The following CACNA1D variants were observed in gnomAD, a reference collection of about 807,000 sequenced individuals.
CACNA1D encodes voltage-dependent L-type calcium channel subunit alpha-1D.
A neutral mutation model predicts 257.1 loss-of-function variants in CACNA1D; 55 were observed. That is an observed-to-expected ratio of 0.21 (90% CI 0.17 to 0.27). The LOEUF is 0.27. CACNA1D is among the 10% of genes least tolerant of loss of function. The pLI is 1.00. For missense variants in CACNA1D, 1,876 were observed against 2,784.0 expected (o/e 0.67, Z 7.34); for synonymous variants, 980 against 1,014.9 (o/e 0.97, Z 0.65).
chr3:53,803,337 G>A, intron 43 of CACNA1D, 86 bp from the exon 44 acceptor site: 1 of 1,518,320 alleles, frequency 6.6e-7, no homozygotes, highest in Non-Finnish European at 9.1e-7. Flanking sequence ...ACCCGGGCAG[G>A]GTTGCCGGCC....
chr3:53,727,842 T>G (rs2094950667), intron 15 of CACNA1D, among the ~76,000 whole-genome samples: 2 of 152,262 alleles, frequency 1.3e-5, no homozygotes, highest in African/African-American at 4.8e-5. Flanking sequence ...TGTTTTCTTC[T>G]TTATCTTGTC....
At position 53,673,270 on chromosome 3, in the gene CACNA1D, T is replaced by G; in HGVS notation, c.1220+144T>G. 1 of 626,770 alleles carries G rather than the reference T, an allele frequency of 1.6e-6. No individual in the cohort carries two copies. Among genetic ancestry groups the G allele is most frequent in the Non-Finnish European group, 2.9e-6 (1 of 350,574 alleles). 38.8% of individuals were successfully genotyped at this position (626,770 alleles called of 1,614,324 possible). On this transcript the variant is annotated intron_variant, in intron 8 of 47. Transcript: ENST00000350061. The surrounding 1 kb of genome is among the most constrained non-coding windows in gnomAD (Gnocchi z 4.1). ...AGATGCTTTCTTTTCTGCTGAGGCT[T>G]CCCAAATCAAGCTGTTTCCTGGAAC...
At chr3:53,803,026 C>T (rs1249784603) in intron 43 of CACNA1D, among the ~76,000 whole-genome samples, 1 of 152,154 alleles carries the variant, frequency 6.6e-6, no homozygotes, top group Non-Finnish European at 1.5e-5. Flanking sequence ...TCTGAAGTCA[C>T]ACTGGGCTGG....
In CACNA1D at chr3:53,494,702, C is replaced by A; in HGVS notation, c.-465C>A. 1.4e-5 allele frequency: 2 copies of A among 145,940 alleles called. No homozygotes were observed. The highest frequency in any genetic ancestry group is 3.6e-4 in the South Asian group (2 of 5,480). The allele number at this position is 145,940 out of a possible 1,614,324, so 9.0% of individuals were successfully genotyped here. Reference sequence around the variant, plus strand: ...GATGTGAGCTCCGGCTGCCCGCGGTCCCGAGCCAGCGGCGGCGCGGGCGGC... The same window carrying A: ...GATGTGAGCTCCGGCTGCCCGCGGTACCGAGCCAGCGGCGGCGCGGGCGGC... On this transcript the variant is annotated 5_prime_UTR_variant, in exon 1 of 48. Coordinates refer to ENST00000350061, the MANE Select transcript of CACNA1D (RefSeq NM_001128840.3).
chr3:53,623,489 C>T (rs2093721943), intron 3 of CACNA1D, among the ~76,000 whole-genome samples: 1 of 152,162 alleles, frequency 6.6e-6, no homozygotes, highest in African/African-American at 2.4e-5. Flanking sequence ...TGGGTATTCA[C>T]TGTACAATTC....
intron 3 of CACNA1D, among the ~76,000 whole-genome samples, chr3:53,542,705 T>A (rs1333689928): frequency 6.6e-6 from 1 of 152,192 alleles, no homozygotes; most frequent in African/African-American, 2.4e-5. Context: ...AGGAAAGTAG[T>A]CTTTTGTGAT....
intron 7 of CACNA1D, among the ~76,000 whole-genome samples, chr3:53,669,661 A>G (rs2094303972): frequency 6.6e-6 from 1 of 152,230 alleles, no homozygotes. Flanking sequence ...TGGGTCCAAT[A>G]TGTAGAAAGG....
chr3:53,560,199 C>T (rs1417604482), intron 3 of CACNA1D, among the ~76,000 whole-genome samples: 1 of 151,258 alleles, frequency 6.6e-6, no homozygotes, highest in African/African-American at 2.4e-5. Context: ...AGGGGGAAAA[C>T]AGTGGAAAAT....
chr3:53,600,356 T>C (rs1416547287), intron 3 of CACNA1D, among the ~76,000 whole-genome samples: 1 of 152,222 alleles, frequency 6.6e-6, no homozygotes, highest in African/African-American at 2.4e-5. Context: ...TATAGTTGCT[T>C]TCTGGTAAAA....
chr3:53,783,557 T>TGCA (rs917311036), intron 39 of CACNA1D, among the ~76,000 whole-genome samples: 7 of 152,202 alleles, frequency 4.6e-5, no homozygotes, highest in African/African-American at 1.7e-4. Flanking sequence ...TTAGGAGGGA[T>TGCA]GCAAGGCTTT....
intron 9 of CACNA1D, among the ~76,000 whole-genome samples, chr3:53,715,039 G>C (rs926957200): frequency 6.6e-6 from 1 of 152,272 alleles, no homozygotes; most frequent in South Asian, 2.1e-4. Context: ...TTTTGGAAAA[G>C]GATAAGTGTG....
intron 3 of CACNA1D, among the ~76,000 whole-genome samples, chr3:53,582,517 A>G (rs1261424225): frequency 6.6e-6 from 1 of 152,064 alleles, no homozygotes; most frequent in Non-Finnish European, 1.5e-5. Flanking sequence ...TTGACTTGGA[A>G]AGGGGGACTG....
chr3:53,713,507 T>TGA (rs1472995489), intron 9 of CACNA1D, among the ~76,000 whole-genome samples: 1 of 116,206 alleles, frequency 8.6e-6, no homozygotes, highest in African/African-American at 4.2e-5. Flanking sequence ...TGTGTATGTG[T>TGA]GTGTGTGTGT....
intron 30 of CACNA1D, among the ~76,000 whole-genome samples, chr3:53,763,131 AGTCT>A (rs1448077693): frequency 6.6e-6 from 1 of 152,200 alleles, no homozygotes; most frequent in Non-Finnish European, 1.5e-5. Flanking sequence ...GTCTGCTCTG[AGTCT>A]GACTGGTGAC....
intron 3 of CACNA1D, among the ~76,000 whole-genome samples, chr3:53,520,948 T>C (rs147491849): frequency 1.3e-5 from 2 of 151,172 alleles, no homozygotes; most frequent in East Asian, 3.9e-4. Flanking sequence ...TCCTTTCCTT[T>C]CCTCCTGTCC....
intron 8 of CACNA1D, among the ~76,000 whole-genome samples, chr3:53,681,605 G>T (rs1422405724): frequency 6.6e-6 from 1 of 152,110 alleles, no homozygotes; most frequent in Non-Finnish European, 1.5e-5. Flanking sequence ...AGGCACCAGG[G>T]TTACGGTGGT....
intron 20 of CACNA1D, among the ~76,000 whole-genome samples, chr3:53,737,285 A>C (rs1186387904): frequency 4.6e-5 from 7 of 152,170 alleles, no homozygotes; most frequent in Non-Finnish European, 1.0e-4. Context: ...AAAAAGAAAA[A>C]ATATTTTGGG....
At chr3:53,598,085 G>A (rs2093393580) in intron 3 of CACNA1D, among the ~76,000 whole-genome samples, 1 of 152,142 alleles carries the variant, frequency 6.6e-6, no homozygotes, top group South Asian at 2.1e-4. Flanking sequence ...TCTAAAATGT[G>A]CTTCTCTCTC....
intron 3 of CACNA1D, among the ~76,000 whole-genome samples, chr3:53,515,459 T>C (rs970241859): frequency 1.3e-5 from 2 of 152,208 alleles, no homozygotes; most frequent in African/African-American, 4.8e-5. Flanking sequence ...GGTCTGATTT[T>C]TATCCTCACA....
Sources: allele counts gnomAD v4.1 joint callset (sites outside exome capture counted in the v4.1 genomes callset), GRCh38; gene constraint gnomAD v4.1.1; non-coding constraint Gnocchi (gnomAD v3.1); transcripts MANE v1.5; gene names NCBI Gene and HGNC (gene_info 2026-07-23, HGNC 2026-07-21).